MAGI2: variants seen among roughly 807,000 people sequenced by gnomAD.
The protein encoded by MAGI2 is membrane associated guanylate kinase, WW and PDZ domain containing 2, also known as membrane-associated guanylate kinase, WW and PDZ domain-containing protein 2.
In MAGI2, 35 loss-of-function variants were observed where a neutral mutation model predicts 133.3. The observed-to-expected ratio is 0.26, with a 90% CI of 0.20 to 0.35. MAGI2 has a LOEUF of 0.35. Among genes scored for constraint, MAGI2 ranks in the 10% least tolerant of loss-of-function variants. MAGI2 has a pLI of 1.00. For missense variants in MAGI2, 1,636 were observed against 1,863.4 expected (o/e 0.88, Z 2.25); for synonymous variants, 729 against 710.6 (o/e 1.03, Z -0.41).
intron 1 of MAGI2, among the ~76,000 whole-genome samples, chr7:79,165,603 T>C (rs1357623459): frequency 6.6e-6 from 1 of 152,064 alleles, no homozygotes; most frequent in Non-Finnish European, 1.5e-5. Context: ...GACCAAAATT[T>C]AGAAGGCCAG....
chr7:78,225,177 C>T (rs1789252239), intron 10 of MAGI2, among the ~76,000 whole-genome samples: 1 of 152,126 alleles, frequency 6.6e-6, no homozygotes, highest in Non-Finnish European at 1.5e-5. Context: ...AGCAGCCTTT[C>T]AGCTTGAATT....
At chr7:78,931,844 T>C (rs1484576205) in intron 2 of MAGI2, among the ~76,000 whole-genome samples, 1 of 152,100 alleles carries the variant, frequency 6.6e-6, no homozygotes, top group Non-Finnish European at 1.5e-5. Flanking sequence ...AAGTTAAATG[T>C]TTTCTACTTT....
intron 3 of MAGI2, among the ~76,000 whole-genome samples, chr7:78,530,666 C>G (rs1406872703): frequency 1.3e-5 from 2 of 152,126 alleles, no homozygotes; most frequent in Non-Finnish European, 2.9e-5. Flanking sequence ...TGTTCAGTAC[C>G]CAGTGCCTCA....
intron 3 of MAGI2, chr7:78,615,911 T>G (rs1807035716): frequency 6.6e-6 from 1 of 152,192 alleles, no homozygotes; most frequent in Non-Finnish European, 1.5e-5. Context: ...TAAAATAATT[T>G]AAAGTCACTC....
chr7:79,007,003 G>T, intron 2 of MAGI2, 87 bp downstream of exon 2: 1 of 983,678 alleles, frequency 1.0e-6, no homozygotes, highest in Non-Finnish European at 1.5e-6. Context: ...AAAAATAAGT[G>T]CAATTTCACT....
intron 2 of MAGI2, among the ~76,000 whole-genome samples, chr7:78,647,528 C>A (rs567561467): frequency 1.3e-5 from 2 of 152,174 alleles, no homozygotes; most frequent in Non-Finnish European, 2.9e-5. Flanking sequence ...GAAATAGGAA[C>A]GCTTTTACAC....
At chr7:78,569,874 T>G (rs914681565) in intron 3 of MAGI2, among the ~76,000 whole-genome samples, 1 of 152,218 alleles carries the variant, frequency 6.6e-6, no homozygotes, top group Non-Finnish European at 1.5e-5. Context: ...TCTTAAACTT[T>G]AATAAACGGT....
chr7:78,565,486 AAAGAT>A (rs1250296723), intron 3 of MAGI2, among the ~76,000 whole-genome samples: 2 of 152,036 alleles, frequency 1.3e-5, no homozygotes, highest in Non-Finnish European at 2.9e-5. Context: ...AAAAAAAAAA[AAAGAT>A]AAGAATTAAT....
intron 1 of MAGI2, among the ~76,000 whole-genome samples, chr7:79,130,194 A>G (rs1160240742): frequency 6.6e-6 from 1 of 150,916 alleles, no homozygotes; most frequent in Admixed American, 6.6e-5. Flanking sequence ...GGTGGTGGGC[A>G]CCTGTGATCC....
In MAGI2 at chr7:79,453,389, G is replaced by C; in HGVS notation, c.-69C>G. 6.6e-7 allele frequency: 1 copy of C among 1,524,958 alleles called. No homozygotes were observed. Among genetic ancestry groups the C allele is most frequent in the Non-Finnish European group, 8.8e-7 (1 of 1,140,646 alleles). The allele number at this position is 1,524,958 out of a possible 1,614,324, so 94.5% of individuals were successfully genotyped here. A position where few individuals can be genotyped will look rare whatever the true frequency, so the allele number is the denominator to read the frequency against. On this transcript the variant is annotated 5_prime_UTR_variant, in exon 1 of 22. Transcript: ENST00000354212. The stretch of plus-strand genomic sequence containing the variant: ...AGGGGGGCTGGTGGTGAGAGAATGA[G>C]GATGGAGGAGCAAGGGGGCCCAGGG...
intron 1 of MAGI2, among the ~76,000 whole-genome samples, chr7:79,228,889 G>C (rs1472361598): frequency 6.6e-6 from 1 of 152,098 alleles, no homozygotes; most frequent in Non-Finnish European, 1.5e-5. Flanking sequence ...CGGAGTAGGG[G>C]CAATGGTTTG....
At chr7:79,307,041 A>G (rs775831968) in intron 1 of MAGI2, among the ~76,000 whole-genome samples, 3 of 152,236 alleles carry the variant, frequency 2.0e-5, no homozygotes, top group Non-Finnish European at 4.4e-5. Context: ...TGAGGCTGCC[A>G]GGATGAATTT....
chr7:78,278,606 A>C (rs1294273540), intron 9 of MAGI2, among the ~76,000 whole-genome samples: 4 of 152,180 alleles, frequency 2.6e-5, no homozygotes, highest in Non-Finnish European at 5.9e-5. Context: ...CTTGGTAAAT[A>C]CATTTTGTGG....
At chr7:79,196,961 G>T (rs1448609769) in intron 1 of MAGI2, among the ~76,000 whole-genome samples, 1 of 151,494 alleles carries the variant, frequency 6.6e-6, no homozygotes, top group African/African-American at 2.4e-5. Context: ...TATATAGAGA[G>T]AGAGAGACTG....
At position 78,473,839 on chromosome 7, in the gene MAGI2, GAA is replaced by G. The variant is rs572476588; in HGVS notation, c.1045+15920_1045+15921del. On this transcript the variant is annotated intron_variant, in intron 6 of 21. Coordinates refer to ENST00000354212, the MANE Select transcript of MAGI2 (RefSeq NM_012301.4). ...GCTCTAAGTCAGACACAGACCAAAT[GAA>G]AAAGCCCAAAAGTGGGAGGGAATAA... Among the ~76,000 whole-genome samples, 28 of 152,052 alleles carry G rather than the reference GAA, an allele frequency of 1.8e-4. No individual in the cohort carries two copies. In the South Asian group the frequency reaches 5.8e-3, roughly 32 times the overall value.
Position 79,175,929 on chromosome 7 carries a change from T to C in MAGI2, c.302-168723A>G, listed in dbSNP as rs117167239. Among the ~76,000 whole-genome samples the C allele has an allele frequency of 4.1e-3, 618 of 152,202 alleles. 6 individuals carry two copies. Among genetic ancestry groups the C allele is most frequent in the Non-Finnish European group, 6.2e-3 (421 of 68,030 alleles). ...GTTTTGTGTTTCAGTGATTTATTTT[T>C]CTTAATACAAACCTTGCATGGGGCA... On this transcript the variant is annotated intron_variant, in intron 1 of 21. Transcript: ENST00000354212.
At chr7:79,188,237 A>G (rs949083604) in intron 1 of MAGI2, among the ~76,000 whole-genome samples, 2 of 151,752 alleles carry the variant, frequency 1.3e-5, no homozygotes, top group African/African-American at 4.9e-5. Flanking sequence ...TAAGCCCAGC[A>G]TGCATTAGCT....
intron 6 of MAGI2, among the ~76,000 whole-genome samples, chr7:78,407,271 G>A (rs1797465186): frequency 1.3e-5 from 2 of 151,956 alleles, no homozygotes; most frequent in African/African-American, 4.8e-5. Context: ...ACTGAGTTCA[G>A]TTAAATATGC....
intron 2 of MAGI2, among the ~76,000 whole-genome samples, chr7:78,704,457 C>T (rs575907245): frequency 1.3e-5 from 2 of 152,156 alleles, no homozygotes; most frequent in South Asian, 2.1e-4. Context: ...AACACTTACA[C>T]GCTGTTGGTA....
Sources: allele counts gnomAD v4.1 joint callset (sites outside exome capture counted in the v4.1 genomes callset), GRCh38; gene constraint gnomAD v4.1.1; transcripts MANE v1.5; gene names NCBI Gene and HGNC (gene_info 2026-07-23, HGNC 2026-07-21).